The following NTRK3 variants were observed in gnomAD, a reference collection of about 807,000 sequenced individuals.
NTRK3 encodes the protein NT-3 growth factor receptor.
In NTRK3, 24 loss-of-function variants were observed where a neutral mutation model predicts 91.7. The ratio of observed to expected loss-of-function variants is 0.26; its 90% CI spans 0.19 to 0.37. The LOEUF is 0.37. NTRK3 is among the 10% of genes least tolerant of loss of function. The pLI is 1.00. For synonymous variants in NTRK3, 483 were observed against 404.0 expected (o/e 1.20, Z -2.34); for missense variants, 880 against 1,068.9 (o/e 0.82, Z 2.46).
At chr15:87,964,231 G>T (rs374650485) in intron 14 of NTRK3, among the ~76,000 whole-genome samples, 83 of 152,216 alleles carry the variant, frequency 5.5e-4, no homozygotes, top group Middle Eastern at 3.4e-3. Context: ...AATGGTAGCG[G>T]TGCTAGGAAC....
At chr15:88,147,947 CA>C (rs1454866189) in intron 5 of NTRK3, among the ~76,000 whole-genome samples, 2 of 152,138 alleles carry the variant, frequency 1.3e-5, no homozygotes, top group Non-Finnish European at 2.9e-5. Context: ...TTAGGATGTA[CA>C]GGGGAAAGGA....
At chr15:88,006,438 A>G (rs12437865) in intron 14 of NTRK3, among the ~76,000 whole-genome samples, 2 of 152,176 alleles carry the variant, frequency 1.3e-5, no homozygotes, top group African/African-American at 4.8e-5. Context: ...GAGCCTGGGG[A>G]AAAAGGATTG....
At chr15:87,866,161 A>T (rs2064670057) in exon 19 of NTRK3, 2 of 225,556 alleles carry the variant, frequency 8.9e-6, no homozygotes, top group South Asian at 3.7e-4. Context: ...GGTAAAGGGC[A>T]GACAATGTTT....
intron 13 of NTRK3, among the ~76,000 whole-genome samples, chr15:88,048,208 G>C (rs983582865): frequency 6.6e-6 from 1 of 152,128 alleles, no homozygotes; most frequent in Non-Finnish European, 1.5e-5. Context: ...GATCTACTTG[G>C]AAAGCTTAAC....
At chr15:88,099,112 G>C (rs2049923383) in intron 13 of NTRK3, 1 of 230,638 alleles carries the variant, frequency 4.3e-6, no homozygotes, top group African/African-American at 2.2e-5. Flanking sequence ...TGTAAGCCTT[G>C]GTTTTTCCAG....
chr15:88,091,862 T>C (rs2049049193), intron 13 of NTRK3, among the ~76,000 whole-genome samples: 1 of 152,210 alleles, frequency 6.6e-6, no homozygotes, highest in Non-Finnish European at 1.5e-5. Context: ...CTGTGTGCTA[T>C]CTAAAACTCC....
intron 17 of NTRK3, among the ~76,000 whole-genome samples, chr15:87,889,258 C>A (rs746984223): frequency 6.6e-6 from 1 of 152,090 alleles, no homozygotes; most frequent in Non-Finnish European, 1.5e-5. Flanking sequence ...ACCTGGCATG[C>A]TTGTTAAAAA....
In NTRK3 at chr15:88,079,983, T is replaced by C. The variant is rs7174879; in HGVS notation, c.1396+46288A>G. Among the ~76,000 whole-genome samples, 1,410 of 152,342 alleles carry C rather than the reference T, an allele frequency of 9.3e-3. 27 individuals are homozygous for C. The highest frequency in any genetic ancestry group is 0.032 in the African/African-American group (1,342 of 41,572). ...GATTATATTAAATACAATCTGACTTTTTCTATGTAACAAATACCGTAAATA... is the reference window on the plus strand; with the variant it reads ...GATTATATTAAATACAATCTGACTTCTTCTATGTAACAAATACCGTAAATA... On this transcript the variant is annotated intron_variant, in intron 13 of 18. Transcript: ENST00000394480.
intron 5 of NTRK3, among the ~76,000 whole-genome samples, chr15:88,176,554 C>T (rs2046017318): frequency 6.6e-6 from 1 of 152,204 alleles, no homozygotes; most frequent in African/African-American, 2.4e-5. Context: ...GGAGGAATGT[C>T]ACACAGAGCG....
In NTRK3 at chr15:88,052,494, C is replaced by T. The variant is rs1000900651; in HGVS notation, c.1397-19449G>A. Among the ~76,000 whole-genome samples, 5 of 152,202 alleles carry T rather than the reference C, an allele frequency of 3.3e-5. No homozygotes were observed. The South Asian group carries it at 8.3e-4, about 25-fold the overall frequency. The stretch of plus-strand genomic sequence containing the variant: ...ACTCCAACATGCTAAAGCCCATGGG[C>T]GTCTTTCAAAGAGGTATCCAGACAT... On this transcript the variant is annotated intron_variant, in intron 13 of 18. Coordinates refer to ENST00000394480, the Ensembl canonical transcript of NTRK3.
intron 14 of NTRK3, among the ~76,000 whole-genome samples, chr15:88,022,255 G>T (rs2077651196): frequency 1.3e-5 from 2 of 152,098 alleles, no homozygotes; most frequent in Non-Finnish European, 2.9e-5. Flanking sequence ...AATAATATCT[G>T]CTCAGCAAAC....
intron 13 of NTRK3, among the ~76,000 whole-genome samples, chr15:88,107,978 G>A (rs1358669243): frequency 6.6e-6 from 1 of 152,084 alleles, no homozygotes; most frequent in Non-Finnish European, 1.5e-5. Flanking sequence ...GAGATACACT[G>A]TTGGGCAGGT....
intron 3 of NTRK3, among the ~76,000 whole-genome samples, chr15:88,226,460 C>T (rs1057213535): frequency 1.3e-5 from 2 of 152,236 alleles, no homozygotes; most frequent in Non-Finnish European, 2.9e-5. Context: ...AGTGAGATGA[C>T]CCACAATGGG....
rs141618674 is a variant in NTRK3, at chr15:88,162,451, G to A, written c.396-15048C>T. ...TCCAAAGCCAACTGTGAATGAACGG[G>A]GGATCAGCCAGCAGAAGGAGAGGGG... On this transcript the variant is annotated intron_variant, in intron 5 of 18. Transcript: ENST00000394480. Among the ~76,000 whole-genome samples, 1,071 of 152,278 alleles carry A rather than the reference G, an allele frequency of 7.0e-3. 7 individuals are homozygous for A. The highest frequency in any genetic ancestry group is 0.012 in the Non-Finnish European group (818 of 68,034).
chr15:88,136,369 T>C (rs1267041754), intron 8 of NTRK3, 98 bp downstream of exon 8: 9 of 1,487,386 alleles, frequency 6.1e-6, no homozygotes, highest in African/African-American at 1.4e-5. Flanking sequence ...TATGTGTTTT[T>C]TCCTATAGTA....
intron 13 of NTRK3, among the ~76,000 whole-genome samples, chr15:88,100,812 T>A (rs1476902455): frequency 6.6e-6 from 1 of 152,178 alleles, no homozygotes; most frequent in African/African-American, 2.4e-5. Context: ...TGGCTAGCCA[T>A]ATGTAGAAAG....
rs543768354 is a variant in NTRK3, at chr15:87,893,443, G to A, written c.2134-13015C>T. Among the ~76,000 whole-genome samples the A allele has an allele frequency of 1.9e-4, 29 of 152,308 alleles. No individual in the cohort carries two copies. The South Asian group carries it at 5.2e-3, about 27-fold the overall frequency. ...GGTTCTACTTGGGGCAGAATGCCCC[G>A]CATGGCAGTGTTCCACTCTGGGGAA... On this transcript the variant is annotated intron_variant, in intron 17 of 18. Transcript: ENST00000394480.
At chr15:87,861,494 A>G (rs2141370798) in exon 19 of NTRK3, 1 of 198,650 alleles carries the variant, frequency 5.0e-6, no homozygotes, top group East Asian at 7.8e-5. Context: ...GTTTAATACA[A>G]GTTTTGTTCT....
At chr15:88,136,672 T>C in intron 7 of NTRK3, 63 bp from the exon 8 acceptor site, 1 of 1,568,892 alleles carries the variant, frequency 6.4e-7, no homozygotes, top group South Asian at 1.2e-5. Flanking sequence ...GGAAGCTCTG[T>C]CCATGGGGCT....
Sources: allele counts gnomAD v4.1 joint callset (sites outside exome capture counted in the v4.1 genomes callset), GRCh38; gene constraint gnomAD v4.1.1; transcripts MANE v1.5; gene names NCBI Gene and HGNC (gene_info 2026-07-23, HGNC 2026-07-21).